Variants in MEIS2 observed in about 807,000 individuals in gnomAD.
MEIS2 encodes homeobox protein Meis2.
MEIS2 carries 9 observed loss-of-function variants against 58.6 expected under a neutral mutation model. The observed-to-expected ratio is 0.15, with a 90% CI of 0.09 to 0.27. The LOEUF is 0.27. Among genes scored for constraint, MEIS2 ranks in the 10% least tolerant of loss-of-function variants. The probability of loss-of-function intolerance (pLI) is 1.00; values close to 1 mark genes in which losing one functional copy is unlikely to be tolerated. For synonymous variants in MEIS2, 221 were observed against 228.4 expected (o/e 0.97, Z 0.29); for missense variants, 427 against 635.0 (o/e 0.67, Z 3.52).
At chr15:36,907,848 T>C (rs746636204) in intron 9 of MEIS2, among the ~76,000 whole-genome samples, 1 of 151,890 alleles carries the variant, frequency 6.6e-6, no homozygotes, top group Non-Finnish European at 1.5e-5. Context: ...ATATCATAAA[T>C]ATGCATACGT....
chr15:37,086,602 TCTC>T (rs1363747747), intron 6 of MEIS2, among the ~76,000 whole-genome samples: 2 of 152,150 alleles, frequency 1.3e-5, no homozygotes, highest in Non-Finnish European at 2.9e-5. Flanking sequence ...TTAAAAATGC[TCTC>T]CTGAAAAAGT....
chr15:37,046,896 A>G (rs566158112), intron 7 of MEIS2, among the ~76,000 whole-genome samples: 3 of 151,764 alleles, frequency 2.0e-5, no homozygotes, highest in South Asian at 2.1e-4. Flanking sequence ...TATATTGCTT[A>G]CCAATTTTAA....
intron 1 of MEIS2, chr15:37,099,029 C>T (rs1380498293): frequency 1.0e-6 from 1 of 983,312 alleles, no homozygotes; most frequent in East Asian, 1.1e-4. Context: ...GCGGCCCCGG[C>T]GGCGGCTCCT....
chr15:36,915,575 T>A (rs1201381474), intron 9 of MEIS2, among the ~76,000 whole-genome samples: 1 of 152,212 alleles, frequency 6.6e-6, no homozygotes, highest in Non-Finnish European at 1.5e-5. Context: ...TGCCCACCTA[T>A]ATGCTGTCAT....
intron 9 of MEIS2, among the ~76,000 whole-genome samples, chr15:36,899,576 G>A (rs1285029716): frequency 6.6e-6 from 1 of 151,830 alleles, no homozygotes; most frequent in Non-Finnish European, 1.5e-5. Context: ...ATATTTTTTA[G>A]AATGACCTTT....
intron 8 of MEIS2, 48 bp from the exon 9 acceptor site, chr15:36,950,448 G>C (rs1423683933): frequency 1.3e-6 from 2 of 1,549,844 alleles, no homozygotes. Flanking sequence ...AGTTAAGAAA[G>C]AGTCACTTAC....
intron 11 of MEIS2, chr15:36,894,852 A>C: frequency 6.8e-7 from 1 of 1,462,280 alleles, no homozygotes; most frequent in Non-Finnish European, 9.6e-7. Flanking sequence ...CCGGAAAATC[A>C]GCAATAATTG....
At chr15:36,915,644 C>G (rs1470838153) in intron 9 of MEIS2, among the ~76,000 whole-genome samples, 2 of 152,134 alleles carry the variant, frequency 1.3e-5, no homozygotes, top group Non-Finnish European at 2.9e-5. Context: ...CCAACCCACT[C>G]CTCCTCCCAC....
chr15:36,972,174 A>G (rs2059592910), intron 8 of MEIS2, among the ~76,000 whole-genome samples: 1 of 152,200 alleles, frequency 6.6e-6, no homozygotes, highest in Non-Finnish European at 1.5e-5. Context: ...TAAAAAAGAA[A>G]AACTTCTGCC....
chr15:36,991,831 AG>A (rs1309049267), intron 8 of MEIS2, among the ~76,000 whole-genome samples: 1 of 104,186 alleles, frequency 9.6e-6, no homozygotes, highest in Non-Finnish European at 1.7e-5. Flanking sequence ...TCTGTCGCCC[AG>A]GCTGGAGTGC....
intron 7 of MEIS2, among the ~76,000 whole-genome samples, chr15:37,040,058 T>TG (rs887404296): frequency 3.3e-5 from 5 of 150,510 alleles, no homozygotes; most frequent in East Asian, 2.0e-4. Flanking sequence ...TTTTTTTTTT[T>TG]TTGTTTTAAG....
At chr15:36,941,437 C>T (rs1305594668) in intron 9 of MEIS2, among the ~76,000 whole-genome samples, 2 of 152,280 alleles carry the variant, frequency 1.3e-5, no homozygotes, top group East Asian at 3.9e-4. Context: ...TTGCCCACCT[C>T]CTTATGCATT....
chr15:37,064,884 G>T (rs1889709024), intron 7 of MEIS2, among the ~76,000 whole-genome samples: 1 of 152,124 alleles, frequency 6.6e-6, no homozygotes, highest in Non-Finnish European at 1.5e-5. Flanking sequence ...CTATTGTCTG[G>T]TATCATTTCT....
At chr15:37,023,635 T>G (rs1011752110) in intron 8 of MEIS2, among the ~76,000 whole-genome samples, 1 of 152,178 alleles carries the variant, frequency 6.6e-6, no homozygotes, top group Non-Finnish European at 1.5e-5. Context: ...GTTGTCTGCT[T>G]TAGTCCCTCT....
intron 8 of MEIS2, among the ~76,000 whole-genome samples, chr15:36,976,393 A>AT (rs1021062441): frequency 9.2e-5 from 14 of 151,516 alleles, no homozygotes; most frequent in African/African-American, 3.4e-4. Flanking sequence ...CTATAAAGAG[A>AT]TTTTTTTAAA....
chr15:36,968,892 T>C (rs533609254), intron 8 of MEIS2, among the ~76,000 whole-genome samples: 2 of 152,342 alleles, frequency 1.3e-5, no homozygotes, highest in African/African-American at 4.8e-5. Context: ...CAGAACTGTA[T>C]AGTTGAGGAT....
chr15:36,909,422 G>C (rs1213482699), intron 9 of MEIS2, among the ~76,000 whole-genome samples: 3 of 152,200 alleles, frequency 2.0e-5, no homozygotes, highest in Admixed American at 6.5e-5. Context: ...TGAAAATAGG[G>C]TTCCTTCATC....
intron 8 of MEIS2, among the ~76,000 whole-genome samples, chr15:36,962,551 G>A (rs1045948733): frequency 6.0e-5 from 9 of 150,708 alleles, no homozygotes; most frequent in South Asian, 2.1e-4. Context: ...TTTTACTGTC[G>A]CAGTGTTATT....
chr15:36,993,012 G>C (rs1399567786), intron 8 of MEIS2, among the ~76,000 whole-genome samples: 1 of 152,088 alleles, frequency 6.6e-6, no homozygotes, highest in African/African-American at 2.4e-5. Flanking sequence ...TAAATACCCT[G>C]ATTCCACCAC....
Sources: allele counts gnomAD v4.1 joint callset (sites outside exome capture counted in the v4.1 genomes callset), GRCh38; gene constraint gnomAD v4.1.1; transcripts MANE v1.5; gene names NCBI Gene and HGNC (gene_info 2026-07-23, HGNC 2026-07-21).